LPP: variants seen among roughly 807,000 people sequenced by gnomAD.
LPP encodes the protein LIM domain containing preferred translocation partner in lipoma, also known as lipoma-preferred partner.
Under a neutral mutation model 60.4 loss-of-function variants are expected in LPP, and 38 were observed. That is an observed-to-expected ratio of 0.63 (90% CI 0.49 to 0.83). The LOEUF (loss-of-function observed/expected upper bound fraction) is 0.83, where lower values mean the gene tolerates loss of function less well. Ranked by LOEUF, LPP falls within the 40% of genes least tolerant of loss-of-function variation. LPP has a pLI of 0.00. For missense variants in LPP, 902 were observed against 783.6 expected, an observed-to-expected ratio of 1.15 and a Z score of -1.80; for synonymous variants, 328 against 290.8, an observed-to-expected ratio of 1.13 and a Z score of -1.30.
intron 3 of LPP, among the ~76,000 whole-genome samples, chr3:188,382,003 G>T (rs1560328649): frequency 2.0e-5 from 3 of 151,484 alleles, no homozygotes; most frequent in Non-Finnish European, 2.9e-5. Context: ...GCTCAGGCTG[G>T]TCTCCAATTC....
chr3:188,205,185 C>T (rs1282585268), intron 1 of LPP, among the ~76,000 whole-genome samples: 1 of 151,656 alleles, frequency 6.6e-6, no homozygotes. Flanking sequence ...TATTATTTTC[C>T]ATTTTACAGA....
At chr3:188,373,220 C>A (rs1773831140) in intron 3 of LPP, among the ~76,000 whole-genome samples, 1 of 152,242 alleles carries the variant, frequency 6.6e-6, no homozygotes, top group Non-Finnish European at 1.5e-5. Flanking sequence ...GGGTATAAAC[C>A]CAGTAATGGG....
intron 2 of LPP, among the ~76,000 whole-genome samples, chr3:188,248,077 T>C (rs998726196): frequency 2.0e-5 from 3 of 152,096 alleles, no homozygotes; most frequent in Admixed American, 2.0e-4. Flanking sequence ...TTCGTATCAA[T>C]TTCTCTGATG....
At chr3:188,830,189 A>C (rs1756761447) in intron 9 of LPP, among the ~76,000 whole-genome samples, 1 of 151,864 alleles carries the variant, frequency 6.6e-6, no homozygotes, top group Non-Finnish European at 1.5e-5. Context: ...AAAACAAAAG[A>C]TCTTTAGAAT....
intron 9 of LPP, among the ~76,000 whole-genome samples, chr3:188,850,380 T>C (rs2151847003): frequency 6.6e-6 from 1 of 152,342 alleles, no homozygotes; most frequent in African/African-American, 2.4e-5. Context: ...GAAATTTATC[T>C]GACCTGAACT....
rs554951353 is a variant in LPP, at chr3:188,854,872, T to A, written c.1411-11328T>A. 1.4e-4 allele frequency among the ~76,000 whole-genome samples: 22 copies of A among 152,326 alleles called. No individual in the cohort carries two copies. In the East Asian group the frequency reaches 3.3e-3, roughly 23 times the overall value. ...TTGGCAGGGTTGAGTTTCAGGCAGC[T>A]CTGAAGGGAACCAACATGTGAGTGG... is the stretch of plus-strand genomic sequence containing the variant. On this transcript the variant is annotated intron_variant, in intron 9 of 11. Coordinates refer to ENST00000617246, the MANE Select transcript of LPP (RefSeq NM_001375462.1).
intron 7 of LPP, among the ~76,000 whole-genome samples, chr3:188,674,227 G>A (rs913105981): frequency 1.3e-4 from 20 of 152,066 alleles, no homozygotes; most frequent in African/African-American, 4.8e-4. Context: ...GAACATAGAT[G>A]GAAGCTTTAT....
chr3:188,254,722 G>A (rs9830275), intron 2 of LPP, among the ~76,000 whole-genome samples: 76,816 of 150,482 alleles, frequency 0.51, 19,833 homozygotes, highest in Middle Eastern at 0.63. Flanking sequence ...CAGTGGATAG[G>A]ATTCCTTCAA....
intron 6 of LPP, among the ~76,000 whole-genome samples, chr3:188,574,217 C>T (rs912263903): frequency 6.6e-6 from 1 of 152,114 alleles, no homozygotes; most frequent in Non-Finnish European, 1.5e-5. Flanking sequence ...TTCTGAAAAA[C>T]GTATATAATA....
intron 6 of LPP, among the ~76,000 whole-genome samples, chr3:188,593,606 C>T (rs1839391825): frequency 6.6e-6 from 1 of 152,096 alleles, no homozygotes; most frequent in African/African-American, 2.4e-5. Context: ...CCCACTCTTT[C>T]CCTCAAGTCC....
intron 6 of LPP, among the ~76,000 whole-genome samples, chr3:188,602,142 C>CATATATATATAAT (rs1553939296): frequency 3.9e-5 from 4 of 103,704 alleles, no homozygotes; most frequent in African/African-American, 1.1e-4. Context: ...TTCTTAATCT[C>CATATATATATAAT]ATATATATAT....
intron 7 of LPP, among the ~76,000 whole-genome samples, chr3:188,654,005 T>C (rs1232436567): frequency 2.6e-5 from 4 of 152,188 alleles, no homozygotes; most frequent in Admixed American, 6.5e-5. Context: ...CGCTGTGACC[T>C]TAGTCTTAGT....
intron 7 of LPP, among the ~76,000 whole-genome samples, chr3:188,661,789 A>G (rs189636507): frequency 4.6e-5 from 7 of 152,358 alleles, no homozygotes; most frequent in East Asian, 1.9e-4. Flanking sequence ...TGCCTCATCT[A>G]TAGCATGTCT....
chr3:188,753,576 T>TGTGC (rs1553829850), intron 8 of LPP, among the ~76,000 whole-genome samples: 132 of 130,668 alleles, frequency 1.0e-3, no homozygotes, highest in African/African-American at 3.5e-3. Flanking sequence ...TGGCTTGTTG[T>TGTGC]GTGCGTGTGT....
chr3:188,414,271 A>G (rs542589974), intron 4 of LPP, among the ~76,000 whole-genome samples: 9 of 152,282 alleles, frequency 5.9e-5, no homozygotes, highest in African/African-American at 1.9e-4. Flanking sequence ...TAATCCAAAA[A>G]TCTGAAATCT....
At chr3:188,204,883 A>G (rs1249624969) in intron 1 of LPP, among the ~76,000 whole-genome samples, 2 of 152,176 alleles carry the variant, frequency 1.3e-5, no homozygotes, top group African/African-American at 4.8e-5. Context: ...AGCTGTTAAG[A>G]TTTTCAAAGA....
intron 1 of LPP, among the ~76,000 whole-genome samples, chr3:188,193,900 A>G (rs548534936): frequency 6.6e-6 from 1 of 152,146 alleles, no homozygotes; most frequent in Non-Finnish European, 1.5e-5. Flanking sequence ...TTTTAATTTG[A>G]CTTAAAAAAT....
chr3:188,722,912 C>T (rs1009946480), intron 8 of LPP, among the ~76,000 whole-genome samples: 4 of 152,088 alleles, frequency 2.6e-5, no homozygotes, highest in Non-Finnish European at 5.9e-5. Flanking sequence ...ATAATCATTC[C>T]TCTAAATTGT....
intron 7 of LPP, among the ~76,000 whole-genome samples, chr3:188,657,258 G>GTATATATATATATATATA (rs148151207): frequency 0.057 from 5,069 of 89,300 alleles, 380 homozygotes; most frequent in Middle Eastern, 0.083. Context: ...CTGTCAAGGT[G>GTATATATATATATATATA]TATATATATA....
Sources: gnomAD v4.1 joint callset for allele counts (sites outside exome capture counted in the v4.1 genomes callset) on GRCh38, gnomAD v4.1.1 for gene constraint, MANE v1.5 for transcripts, NCBI Gene and HGNC (gene_info 2026-07-23, HGNC 2026-07-21) for gene names.